MDN1: variants seen among roughly 807,000 people sequenced by gnomAD.
MDN1 encodes midasin AAA ATPase 1.
MDN1 carries 266 observed loss-of-function variants against 669.2 expected under a neutral mutation model. The observed-to-expected ratio is 0.40, with a 90% CI of 0.36 to 0.44. MDN1 has a LOEUF of 0.44. MDN1 is among the 20% of genes least tolerant of loss of function. The pLI, the probability that MDN1 is intolerant of heterozygous loss-of-function variation, is 1.00. For synonymous variants in MDN1, 2,385 were observed against 2,457.1 expected, an observed-to-expected ratio of 0.97 and a Z score of 0.87; for missense variants, 5,940 against 6,754.0, an observed-to-expected ratio of 0.88 and a Z score of 4.22.
rs1334587679 is a variant in MDN1, at chr6:89,803,506, A to G, written c.151T>C (p.Leu51=). 4 of 1,613,922 alleles carry G rather than the reference A, an allele frequency of 2.5e-6. No individual in the cohort carries two copies. Among genetic ancestry groups the G allele is most frequent in the Non-Finnish European group, 3.4e-6 (4 of 1,180,024 alleles). The part of the protein sequence containing the change: ...RQCVLSTLAQ[L]LLDKDCTVLV... ...ACAGTACAGTCCTTATCCAAAAGCA[A>G]CTGTGCTAAGGTACTCAGGACACAC... The change falls in exon 2 of 102, where the codon TTG becomes CTG. Residue 51 remains leucine (L), a synonymous_variant. Transcript: ENST00000369393.
At chr6:89,676,522 C>A (rs1562073126) in intron 76 of MDN1, among the ~76,000 whole-genome samples, 1 of 152,180 alleles carries the variant, frequency 6.6e-6, no homozygotes, top group Non-Finnish European at 1.5e-5. Context: ...GGACTAAGGA[C>A]AGCCAAGCAT....
intron 2 of MDN1, among the ~76,000 whole-genome samples, chr6:89,803,059 A>C (rs1205452389): frequency 6.6e-6 from 1 of 152,170 alleles, no homozygotes; most frequent in Non-Finnish European, 1.5e-5. Context: ...TTGCCACATG[A>C]TACAATCCTT....
chr6:89,648,842 GGCATGGTGACAC>G (rs1260204629), intron 97 of MDN1, among the ~76,000 whole-genome samples: 4 of 151,202 alleles, frequency 2.6e-5, no homozygotes, highest in African/African-American at 9.7e-5. Flanking sequence ...AATTTAGCCG[GGCATGGTGACAC>G]ACACCTATGG....
At chr6:89,720,322 T>C (rs1814727645) in intron 40 of MDN1, among the ~76,000 whole-genome samples, 1 of 149,662 alleles carries the variant, frequency 6.7e-6, no homozygotes, top group East Asian at 2.0e-4. Flanking sequence ...GCCAGGAGAA[T>C]CACTTGAACC....
At chr6:89,794,504 G>T in intron 3 of MDN1, 73 bp downstream of exon 3, 1 of 1,410,812 alleles carries the variant, frequency 7.1e-7, no homozygotes, top group Non-Finnish European at 9.9e-7. Flanking sequence ...TTTCCCTCCT[G>T]ACACACACAA....
intron 19 of MDN1, among the ~76,000 whole-genome samples, chr6:89,756,705 G>A (rs1194022776): frequency 1.3e-5 from 2 of 152,084 alleles, no homozygotes; most frequent in Admixed American, 6.5e-5. Flanking sequence ...GGTGGATCAC[G>A]AGGTCAGGAG....
At position 89,687,013 on chromosome 6, in the gene MDN1, T is replaced by A; in HGVS notation, c.11461A>T (p.Met3821Leu). The A allele has an allele frequency of 6.2e-7, 1 of 1,613,170 alleles. No homozygotes were observed. The change falls in exon 69 of 102, where the codon ATG becomes TTG. Residue 3821 changes from methionine (M) to leucine (L), a missense_variant. Met to Leu is a conservative substitution (Grantham distance 15). Around this residue, in one of 5 missense-constraint regions of MDN1, gnomAD observed 2,280 missense variants for 2,576.3 expected, o/e 0.88. Coordinates refer to ENST00000369393, the MANE Select transcript of MDN1 (RefSeq NM_014611.3). ...CGCTTCATAGTATTATCCAAACTCATGGACCAGCAGCTGAAACGAGAAGAA... is the reference window on the plus strand; with the variant it reads ...CGCTTCATAGTATTATCCAAACTCAAGGACCAGCAGCTGAAACGAGAAGAA... ...WRKLELNCWS[M>L]SLDNTMKRHT...
intron 13 of MDN1, among the ~76,000 whole-genome samples, chr6:89,773,575 C>T (rs1818216304): frequency 6.7e-6 from 1 of 149,648 alleles, no homozygotes; most frequent in Admixed American, 6.7e-5. Context: ...AAAAGAAATA[C>T]ACACACAAGG....
In MDN1 at chr6:89,725,412, A is replaced by C. The variant is rs367745855; in HGVS notation, c.5473-16T>G. 8.7e-6 allele frequency: 14 copies of C among 1,600,716 alleles called. No homozygotes were observed. The African/African-American group carries it at 1.7e-4, about 20-fold the overall frequency. On this transcript the variant is annotated splice_polypyrimidine_tract_variant and intron_variant, in intron 37 of 101. Coordinates refer to ENST00000369393, the MANE Select transcript of MDN1 (RefSeq NM_014611.3). ...CCAGGTTAAGCTATTTAAAGAAGAA[A>C]GTACATAATTTGTCTCAAATATATT...
At chr6:89,684,062 G>A (rs1811830687) in intron 71 of MDN1, among the ~76,000 whole-genome samples, 158 bp from the exon 72 acceptor site, 1 of 152,154 alleles carries the variant, frequency 6.6e-6, no homozygotes, top group Non-Finnish European at 1.5e-5. Context: ...AGAAACCATG[G>A]GCTAGGCGCG....
chr6:89,661,223 G>A (rs2128301127), intron 88 of MDN1, among the ~76,000 whole-genome samples: 1 of 152,336 alleles, frequency 6.6e-6, no homozygotes, highest in Middle Eastern at 3.4e-3. Context: ...ACAGTAGTTT[G>A]AGAAATACCT....
chr6:89,815,890 G>A (rs982558118), intron 1 of MDN1, among the ~76,000 whole-genome samples: 4 of 152,170 alleles, frequency 2.6e-5, no homozygotes, highest in Admixed American at 6.5e-5. Flanking sequence ...GGAAGGCATA[G>A]GAGATAGTTC....
chr6:89,818,625 C>T (rs1584419236), intron 1 of MDN1, among the ~76,000 whole-genome samples: 1 of 151,952 alleles, frequency 6.6e-6, no homozygotes, highest in African/African-American at 2.4e-5. Context: ...TCCTGGCCAA[C>T]ATGGTGAAAC....
chr6:89,819,126 G>A lies in MDN1; in HGVS notation c.102+380C>T, dbSNP rs1184869973. On this transcript the variant is annotated intron_variant, in intron 1 of 101. Transcript: ENST00000369393. ...TCGATGGTTCCCCAAACTAACAGGA[G>A]TGGCTGCACTACGCACACTTAGGTG... Among the ~76,000 whole-genome samples the A allele has an allele frequency of 4.6e-5, 7 of 152,204 alleles. No homozygotes were observed. In the East Asian group the frequency reaches 1.2e-3, roughly 25 times the overall value.
chr6:89,650,446 C>G (rs953171437), intron 96 of MDN1, among the ~76,000 whole-genome samples: 1 of 152,108 alleles, frequency 6.6e-6, no homozygotes, highest in African/African-American at 2.4e-5. Context: ...AAAAAATGCA[C>G]TAAATAGGAA....
intron 63 of MDN1, 127 bp from the exon 64 acceptor site, chr6:89,690,961 C>A (rs1562095927): frequency 8.9e-7 from 1 of 1,127,362 alleles, no homozygotes; most frequent in South Asian, 1.6e-5. Flanking sequence ...AAGCCAACAT[C>A]CAAGAAACTA....
At chr6:89,667,453 T>C (rs951968683) in intron 84 of MDN1, among the ~76,000 whole-genome samples, 5 of 152,166 alleles carry the variant, frequency 3.3e-5, no homozygotes, top group African/African-American at 1.2e-4. Flanking sequence ...TGATTTAACT[T>C]AGAATATAAG....
At chr6:89,762,286 C>T in intron 16 of MDN1, 33 bp downstream of exon 16, 2 of 1,565,370 alleles carry the variant, frequency 1.3e-6, no homozygotes, top group Non-Finnish European at 1.8e-6. Flanking sequence ...AGCCCCATGC[C>T]CTCCCCCATG....
chr6:89,749,008 G>A (rs899266842), intron 26 of MDN1, among the ~76,000 whole-genome samples: 1 of 152,030 alleles, frequency 6.6e-6, no homozygotes, highest in Admixed American at 6.5e-5. Flanking sequence ...AGGCTGCAAT[G>A]AGCTATGATT....
Sources: gnomAD v4.1 joint callset for allele counts (sites outside exome capture counted in the v4.1 genomes callset) on GRCh38, gnomAD v4.1.1 for gene constraint, gnomAD v4.1.1 regional missense constraint, MANE v1.5 for transcripts, NCBI Gene and HGNC (gene_info 2026-07-23, HGNC 2026-07-21) for gene names.